The following LRRC31 variants were observed in gnomAD, a reference collection of about 807,000 sequenced individuals.
LRRC31 encodes leucine-rich repeat-containing protein 31.
In LRRC31, 35 loss-of-function variants were observed where a neutral mutation model predicts 46.7. The ratio of observed to expected loss-of-function variants is 0.75; its 90% CI spans 0.57 to 0.99. LRRC31 has a LOEUF of 0.99. LRRC31 is among the 50% of genes least tolerant of loss of function. LRRC31 has a pLI of 0.00. For synonymous variants in LRRC31, 236 were observed against 235.1 expected, an observed-to-expected ratio of 1.00 and a Z score of -0.03; for missense variants, 613 against 626.1, an observed-to-expected ratio of 0.98 and a Z score of 0.22.
intron 8 of LRRC31, among the ~76,000 whole-genome samples, chr3:169,847,054 T>C (rs1469894653): frequency 6.6e-6 from 1 of 152,152 alleles, no homozygotes; most frequent in Non-Finnish European, 1.5e-5. Context: ...GGAGGCGCGC[T>C]CATTGCTTTG....
intron 3 of LRRC31, among the ~76,000 whole-genome samples, chr3:169,859,323 A>AGGGGGG (rs1781076485): frequency 7.2e-6 from 1 of 137,980 alleles, no homozygotes; most frequent in East Asian, 2.3e-4. Flanking sequence ...GGGGGCGGGT[A>AGGGGGG]GGCACTAGGA....
intron 8 of LRRC31, among the ~76,000 whole-genome samples, chr3:169,847,564 A>G (rs138279922): frequency 1.2e-4 from 18 of 152,302 alleles, no homozygotes; most frequent in African/African-American, 3.6e-4. Context: ...TTATCTTTCC[A>G]TCTTTCTAGA....
At chr3:169,851,903 C>T in intron 6 of LRRC31, 117 bp from the exon 7 acceptor site, 1 of 1,004,098 alleles carries the variant, frequency 1.0e-6, no homozygotes, top group Non-Finnish European at 1.5e-6. Flanking sequence ...CCCACCCCGG[C>T]CCTCCCTCCT....
chr3:169,858,757 A>AC (rs749111237), intron 3 of LRRC31, among the ~76,000 whole-genome samples: 15 of 152,018 alleles, frequency 9.9e-5, no homozygotes, highest in Non-Finnish European at 1.9e-4. Flanking sequence ...TAATCCTAGC[A>AC]CTTTGGGAGG....
chr3:169,848,250 G>A lies in LRRC31; in HGVS notation c.1197C>T (p.Phe399=), dbSNP rs1198357022. The part of the protein sequence containing the change: ...ASVHLSALEV[F]NLSWNKCVGG... Reference sequence around the variant, plus strand: ...CAACACACTTGTTCCAAGAAAGGTTGAATACTTCCAGAGCAGAGAGGTGAA... The same window carrying A: ...CAACACACTTGTTCCAAGAAAGGTTAAATACTTCCAGAGCAGAGAGGTGAA... The change falls in exon 8 of 9, where the codon TTC becomes TTT. Residue 399 remains phenylalanine, a synonymous_variant. Transcript: ENST00000316428. The A allele has an allele frequency of 6.2e-7, 1 of 1,614,160 alleles. No individual in the cohort carries two copies. The highest frequency in any genetic ancestry group is 8.5e-7 in the Non-Finnish European group (1 of 1,180,014).
At chr3:169,863,494 A>G (rs1781235768) in intron 1 of LRRC31, among the ~76,000 whole-genome samples, 1 of 152,232 alleles carries the variant, frequency 6.6e-6, no homozygotes, top group Non-Finnish European at 1.5e-5. Context: ...GATAATAAAA[A>G]CTACACCTGT....
intron 1 of LRRC31, 28 bp downstream of exon 1, chr3:169,869,605 G>A (rs2108235341): frequency 1.8e-5 from 27 of 1,539,666 alleles, no homozygotes; most frequent in East Asian, 2.3e-5. Context: ...AAATACAACA[G>A]CAAAAACACC....
intron 7 of LRRC31, among the ~76,000 whole-genome samples, chr3:169,848,968 G>A (rs189693886): frequency 4.6e-5 from 7 of 152,260 alleles, no homozygotes; most frequent in Admixed American, 4.6e-4. Context: ...TTCAGATGGG[G>A]GCAAGCCTCC....
At chr3:169,840,959 TG>T (rs1465668670) in intron 8 of LRRC31, among the ~76,000 whole-genome samples, 1 of 152,184 alleles carries the variant, frequency 6.6e-6, no homozygotes, top group Admixed American at 6.5e-5. Context: ...CCACGGAAAA[TG>T]GGACATGCTT....
intron 8 of LRRC31, among the ~76,000 whole-genome samples, chr3:169,841,443 A>G (rs758097874): frequency 6.6e-6 from 1 of 152,168 alleles, no homozygotes; most frequent in Non-Finnish European, 1.5e-5. Context: ...TTGATTCCAC[A>G]GTGAATTTGA....
In LRRC31 at chr3:169,851,712, C is replaced by T. The variant is rs370722104; in HGVS notation, c.1066G>A (p.Glu356Lys). Reference sequence around the variant, plus strand: ...AATCGGAGCCTGCTGAGTAAGTTTTCAGAAGAACTGCCCATCTTTTTGTTG... The same window carrying T: ...AATCGGAGCCTGCTGAGTAAGTTTTTAGAAGAACTGCCCATCTTTTTGTTG... ...SANKKMGSSS[E>K]NLLSRLRFLP... Residue 356 changes from glutamate (E) to lysine (K), a missense_variant, in exon 7 of 9, where the codon GAA becomes AAA. By Grantham distance (56) the Glu-to-Lys change is moderately conservative. Coordinates refer to ENST00000316428, the MANE Select transcript of LRRC31 (RefSeq NM_024727.4). The T allele has an allele frequency of 6.2e-6, 10 of 1,614,042 alleles. No homozygotes were observed. The highest frequency in any genetic ancestry group is 7.6e-6 in the Non-Finnish European group (9 of 1,180,034).
At chr3:169,848,097 C>G (rs940381453) in intron 8 of LRRC31, 23 bp downstream of exon 8, 1 of 1,601,390 alleles carries the variant, frequency 6.2e-7, no homozygotes, top group African/African-American at 1.3e-5. Context: ...GCCAAGACCG[C>G]TTGGGAACAA....
intron 8 of LRRC31, among the ~76,000 whole-genome samples, chr3:169,843,672 C>G (rs1221053123): frequency 6.6e-6 from 1 of 152,156 alleles, no homozygotes; most frequent in Non-Finnish European, 1.5e-5. Context: ...TTGTTTTAAT[C>G]CACAAATTAA....
intron 5 of LRRC31, 49 bp from the exon 6 acceptor site, chr3:169,855,029 A>G: frequency 6.6e-7 from 1 of 1,525,548 alleles, no homozygotes. Context: ...ACAGTGGTGT[A>G]CCTATAGTCC....
intron 1 of LRRC31, among the ~76,000 whole-genome samples, chr3:169,864,475 C>G (rs965334078): frequency 1.3e-5 from 2 of 152,216 alleles, no homozygotes; most frequent in Non-Finnish European, 2.9e-5. Context: ...GTCACTCAAC[C>G]TCTCTGAGCC....
At chr3:169,857,317 C>CATATATAT (rs1560629829) in intron 3 of LRRC31, among the ~76,000 whole-genome samples, 47 of 55,484 alleles carry the variant, frequency 8.5e-4, no homozygotes, top group African/African-American at 2.9e-3. Flanking sequence ...ATATCACATG[C>CATATATAT]CTATATATAT....
chr3:169,840,066 G>T lies in LRRC31; in HGVS notation c.1575C>A (p.Leu525=), dbSNP rs1780399865. ...CTAGTTCTTCCTCCTGTGAAGCTGG[G>T]AGAATCCATCTTTTCATTCCTATCT... ...ITEIGMKRWI[L]PASQEEELEC... is the part of the protein sequence containing the mutation. The change falls in exon 9 of 9, where the codon CTC becomes CTA. Residue 525 remains leucine (L), a synonymous_variant. Coordinates refer to ENST00000316428, the MANE Select transcript of LRRC31 (RefSeq NM_024727.4). The T allele has an allele frequency of 6.2e-7, 1 of 1,613,930 alleles. No individual in the cohort carries two copies. Among genetic ancestry groups the T allele is most frequent in the African/African-American group, 1.3e-5 (1 of 74,878 alleles).
intron 5 of LRRC31, among the ~76,000 whole-genome samples, chr3:169,855,770 CTT>C (rs1189397309): frequency 5.9e-5 from 9 of 152,224 alleles, no homozygotes; most frequent in Admixed American, 5.9e-4. Flanking sequence ...AGCAAAGAAA[CTT>C]TATTTTTCCC....
chr3:169,869,717 C>T lies in LRRC31; in HGVS notation c.91G>A (p.Glu31Lys). 2 of 1,613,364 alleles carry T rather than the reference C, an allele frequency of 1.2e-6. No homozygotes were observed. The highest frequency in any genetic ancestry group is 1.7e-6 in the Non-Finnish European group (2 of 1,179,774). The change falls in exon 1 of 9, where the codon GAA (glutamate) becomes AAA (lysine). Residue 31 changes from glutamate to lysine, a missense_variant. Glu to Lys is a moderately conservative substitution (Grantham distance 56). Coordinates refer to ENST00000316428, the MANE Select transcript of LRRC31 (RefSeq NM_024727.4). ...AGGTCATTGTCCTCTTTTCTGCTTT[C>T]AGCATTGGAGCCCCTGAGAAATTTG... ...VNKFLRGSNA[E>K]SRKEDNDLKT...
Sources: allele counts gnomAD v4.1 joint callset (sites outside exome capture counted in the v4.1 genomes callset), GRCh38; gene constraint gnomAD v4.1.1; transcripts MANE v1.5; gene names NCBI Gene and HGNC (gene_info 2026-07-23, HGNC 2026-07-21).